NID1: variants seen among roughly 807,000 people sequenced by gnomAD.
NID1 encodes the protein nidogen 1.
A neutral mutation model predicts 130.6 loss-of-function variants in NID1; 76 were observed. That is an observed-to-expected ratio of 0.58 (90% CI 0.48 to 0.70). NID1 has a LOEUF of 0.70. NID1 is among the 30% of genes least tolerant of loss of function. The pLI is 0.00. For missense variants in NID1, 1,517 were observed against 1,664.8 expected, an observed-to-expected ratio of 0.91 and a Z score of 1.54; for synonymous variants, 665 against 675.1, an observed-to-expected ratio of 0.98 and a Z score of 0.23.
In NID1 at chr1:235,991,005, C is replaced by T. The variant is rs200467845; in HGVS notation, c.2809G>A (p.Val937Met). 6.9e-5 allele frequency: 112 copies of T among 1,612,762 alleles called. No homozygotes were observed. Among genetic ancestry groups the T allele is most frequent in the Middle Eastern group, 6.6e-4 (4 of 6,068 alleles). Residue 937 changes from valine (V) to methionine (M), a missense_variant, in exon 14 of 20, where the codon GTG becomes ATG. Val to Met is a conservative substitution (Grantham distance 21). Around this residue, in one of 3 missense-constraint regions of NID1, gnomAD observed 1,329 missense variants for 1,429.2 expected, o/e 0.93. Coordinates refer to ENST00000264187, the MANE Select transcript of NID1 (RefSeq NM_002508.3). ...IHQGPAVPTA[V>M]IPLPPGTHLL... ...TGGGTCCCAGGAGGCAAGGGGATCA[C>T]GGCGGTAGGCACCGCAGGTCCTTGG...
intron 3 of NID1, among the ~76,000 whole-genome samples, chr1:236,043,840 T>C (rs959476911): frequency 5.3e-5 from 8 of 152,088 alleles, no homozygotes; most frequent in African/African-American, 1.7e-4. Flanking sequence ...CCCAACTCCA[T>C]TGGCTGTGAG....
At chr1:236,030,340 T>G (rs1198286767) in intron 6 of NID1, among the ~76,000 whole-genome samples, 2 of 152,146 alleles carry the variant, frequency 1.3e-5, no homozygotes, top group Non-Finnish European at 2.9e-5. Context: ...TACTTCTCCC[T>G]TTTCCACAAT....
chr1:236,045,515 T>G lies in NID1; in HGVS notation c.694A>C (p.Ser232Arg). The G allele has an allele frequency of 6.2e-7, 1 of 1,614,194 alleles. No homozygotes were observed. Among genetic ancestry groups the G allele is most frequent in the South Asian group, 1.1e-5 (1 of 91,084 alleles). Residue 232 changes from serine to arginine, a missense_variant, in exon 3 of 20, where the codon AGC becomes CGC. By Grantham distance (110) the Ser-to-Arg change is moderately radical. This residue lies in a region of NID1 where 1,329 missense variants were observed against 1,429.2 expected (regional missense o/e 0.93). Coordinates refer to ENST00000264187, the MANE Select transcript of NID1 (RefSeq NM_002508.3). ...SQGSVGFLWK[S>R]NGAYNIFAND... ...GCAAATATGTTATAAGCTCCGTTGC[T>G]CTTCCATAAGAATCCCACTGAACCT... is the stretch of plus-strand genomic sequence containing the variant.
intron 12 of NID1, among the ~76,000 whole-genome samples, chr1:236,011,660 AC>A (rs1658426723): frequency 1.3e-5 from 2 of 151,866 alleles, no homozygotes; most frequent in South Asian, 4.2e-4. Context: ...CACCTCAACA[AC>A]CCTTAGAACT....
At chr1:236,039,850 C>T (rs1011514917) in intron 4 of NID1, among the ~76,000 whole-genome samples, 1 of 152,186 alleles carries the variant, frequency 6.6e-6, no homozygotes, top group African/African-American at 2.4e-5. Context: ...ATTACTTAAA[C>T]TCCAGCTGTG....
In NID1 at chr1:236,064,960, T is replaced by G. The variant is rs768020603; in HGVS notation, c.120A>C (p.Gly40=). 3.8e-6 allele frequency: 6 copies of G among 1,599,388 alleles called. No homozygotes were observed. In the African/African-American group the frequency reaches 6.7e-5, roughly 18 times the overall value. ...CGTCCTCCAGCTCCAGGTCCCCCTG[T>G]CCGGGGCCGAAGGGAAAGAGCTCCT... ...SRQELFPFGP[G]QGDLELEDGD... Residue 40 remains glycine, a synonymous_variant, in exon 1 of 20, where the codon GGA becomes GGC. Transcript: ENST00000264187.
intron 1 of NID1, among the ~76,000 whole-genome samples, chr1:236,063,507 GTAAGCATA>G (rs1310374818): frequency 6.6e-6 from 1 of 151,496 alleles, no homozygotes; most frequent in Non-Finnish European, 1.5e-5. Flanking sequence ...AATAAATAAA[GTAAGCATA>G]TAAGCATATA....
chr1:236,021,027 G>A (rs541535708), intron 9 of NID1, among the ~76,000 whole-genome samples: 1 of 152,336 alleles, frequency 6.6e-6, no homozygotes, highest in Admixed American at 6.5e-5. Context: ...CGAGGTCACA[G>A]TTCAACAGCA....
chr1:236,028,602 G>A (rs1266220584), intron 7 of NID1, among the ~76,000 whole-genome samples: 1 of 152,026 alleles, frequency 6.6e-6, no homozygotes, highest in African/African-American at 2.4e-5. Flanking sequence ...GTAAAAGAAT[G>A]TCCTTGTTCT....
intron 9 of NID1, among the ~76,000 whole-genome samples, chr1:236,020,111 C>T (rs1255453241): frequency 6.7e-6 from 1 of 150,174 alleles, no homozygotes; most frequent in Non-Finnish European, 1.5e-5. Context: ...ACCCTTTCTT[C>T]AGTGGTATTG....
chr1:236,003,318 T>C (rs1005011053), intron 12 of NID1, among the ~76,000 whole-genome samples: 1 of 152,242 alleles, frequency 6.6e-6, no homozygotes, highest in Non-Finnish European at 1.5e-5. Flanking sequence ...TCAAGCACAG[T>C]GACAGGCACA....
At chr1:236,007,080 G>A (rs1293223899) in intron 12 of NID1, among the ~76,000 whole-genome samples, 1 of 152,292 alleles carries the variant, frequency 6.6e-6, no homozygotes, top group Non-Finnish European at 1.5e-5. Flanking sequence ...CTAGAGTGCA[G>A]GGGCACGATC....
intron 12 of NID1, among the ~76,000 whole-genome samples, chr1:236,000,813 G>A (rs1168909232): frequency 6.6e-6 from 1 of 152,214 alleles, no homozygotes; most frequent in Non-Finnish European, 1.5e-5. Context: ...AATGACAATT[G>A]TAGCCTCTCA....
intron 13 of NID1, among the ~76,000 whole-genome samples, chr1:235,991,843 G>T (rs923712608): frequency 1.3e-5 from 2 of 152,122 alleles, no homozygotes; most frequent in African/African-American, 4.8e-5. Context: ...AGAATGAGTT[G>T]CCCCATACAG....
At chr1:236,027,599 C>T (rs551466359) in intron 7 of NID1, among the ~76,000 whole-genome samples, 18 of 152,278 alleles carry the variant, frequency 1.2e-4, no homozygotes, top group South Asian at 4.1e-4. Flanking sequence ...GAGGCTGAAG[C>T]GGGAGGATCA....
At chr1:235,985,954 G>T (rs1657562519) in intron 14 of NID1, among the ~76,000 whole-genome samples, 1 of 151,972 alleles carries the variant, frequency 6.6e-6, no homozygotes, top group Admixed American at 6.6e-5. Flanking sequence ...TGGCAACAGA[G>T]TCTCACTGTC....
rs534335646 is a variant in NID1, at chr1:236,020,471, C to T, written c.2129-3198G>A. 9.8e-5 allele frequency among the ~76,000 whole-genome samples: 15 copies of T among 152,310 alleles called. No individual in the cohort carries two copies. In the South Asian group the frequency reaches 2.1e-3, roughly 21 times the overall value. ...GAGAGATGAGCCAAAACTATCTCTA[C>T]GGGCTCTAAATTGAGAAACAGCGGG... On this transcript the variant is annotated intron_variant, in intron 9 of 19. Transcript: ENST00000264187.
intron 10 of NID1, among the ~76,000 whole-genome samples, chr1:236,014,947 A>G (rs796667836): frequency 3.3e-5 from 5 of 152,366 alleles, no homozygotes; most frequent in African/African-American, 1.2e-4. Flanking sequence ...TTCCCAGTGG[A>G]AAAGAGAGTT....
At chr1:236,040,451 A>G (rs910257163) in intron 4 of NID1, among the ~76,000 whole-genome samples, 6 of 152,224 alleles carry the variant, frequency 3.9e-5, no homozygotes, top group South Asian at 2.1e-4. Flanking sequence ...GAGATAAATC[A>G]GAACAAGTAA....
Sources: gnomAD v4.1 joint callset for allele counts (sites outside exome capture counted in the v4.1 genomes callset) on GRCh38, gnomAD v4.1.1 for gene constraint, gnomAD v4.1.1 regional missense constraint, MANE v1.5 for transcripts, NCBI Gene and HGNC (gene_info 2026-07-23, HGNC 2026-07-21) for gene names.